Variants in RUNX1T1 observed in about 807,000 individuals in gnomAD.
RUNX1T1 encodes the protein RUNX1 partner transcriptional co-repressor 1.
Under a neutral mutation model 62.8 loss-of-function variants are expected in RUNX1T1, and 4 were observed. The observed-to-expected ratio is 0.06, with a 90% CI of 0.03 to 0.15. The LOEUF is 0.15. Ranked by LOEUF, RUNX1T1 falls within the 10% of genes least tolerant of loss-of-function variation. The pLI, the probability that RUNX1T1 is intolerant of heterozygous loss-of-function variation, is 1.00. For synonymous variants in RUNX1T1, 291 were observed against 286.0 expected (o/e 1.02, Z -0.18); for missense variants, 508 against 754.3 (o/e 0.67, Z 3.82).
intron 2 of RUNX1T1, among the ~76,000 whole-genome samples, chr8:92,075,067 C>T (rs1469976925): frequency 6.6e-6 from 1 of 152,172 alleles, no homozygotes; most frequent in Non-Finnish European, 1.5e-5. Flanking sequence ...GGGGTGGATG[C>T]TAGCAGTGAT....
At chr8:91,983,892 G>GA (rs1198072444) in intron 8 of RUNX1T1, among the ~76,000 whole-genome samples, 4 of 151,934 alleles carry the variant, frequency 2.6e-5, no homozygotes, top group South Asian at 2.1e-4. Context: ...GATGCACAGT[G>GA]AAAAAAAACT....
intron 10 of RUNX1T1, among the ~76,000 whole-genome samples, chr8:91,962,352 T>C (rs1407073430): frequency 6.6e-6 from 1 of 152,110 alleles, no homozygotes; most frequent in Non-Finnish European, 1.5e-5. Context: ...CTCTGGCCAA[T>C]GACAGGTGTT....
chr8:91,991,647 C>T (rs1204533909), exon 6 of RUNX1T1: 2 of 1,613,476 alleles, frequency 1.2e-6, no homozygotes, highest in Non-Finnish European at 8.5e-7. Flanking sequence ...ACCCATAGGT[C>T]TGTTTCTGTC....
intron 1 of RUNX1T1, among the ~76,000 whole-genome samples, chr8:92,056,694 G>A (rs530032425): frequency 6.6e-6 from 1 of 151,628 alleles, no homozygotes; most frequent in Admixed American, 6.6e-5. Flanking sequence ...TGGAAACACT[G>A]TGCCTGCTTG....
intron 1 of RUNX1T1, among the ~76,000 whole-genome samples, chr8:92,054,440 TA>T (rs1021994513): frequency 1.3e-5 from 2 of 152,196 alleles, no homozygotes; most frequent in African/African-American, 4.8e-5. Context: ...TCGCTGTCTA[TA>T]AAGAGGTTTA....
exon 2 of RUNX1T1, chr8:92,075,988 T>G: frequency 6.2e-7 from 1 of 1,611,564 alleles, no homozygotes; most frequent in East Asian, 2.2e-5. Flanking sequence ...AAAGTTCCCT[T>G]TTTTCCGGCA....
At chr8:92,003,350 A>C in intron 5 of RUNX1T1, 1 of 456,260 alleles carries the variant, frequency 2.2e-6, no homozygotes, top group South Asian at 1.5e-5. Flanking sequence ...TTCAAATATG[A>C]AATACTGGGA....
chr8:92,001,566 T>C (rs1203902246), intron 5 of RUNX1T1, among the ~76,000 whole-genome samples: 1 of 152,184 alleles, frequency 6.6e-6, no homozygotes, highest in Non-Finnish European at 1.5e-5. Context: ...ATGTAAAGCA[T>C]AATTACATTA....
chr8:91,962,722 A>G lies in RUNX1T1; in HGVS notation c.1459-2205T>C, dbSNP rs1199533137. 2.6e-5 allele frequency among the ~76,000 whole-genome samples: 4 copies of G among 152,354 alleles called. No individual in the cohort carries two copies. In the East Asian group the frequency reaches 5.8e-4, roughly 22 times the overall value. ...TAATGCCAGCTGGATCCTGGAACAA[A>G]CTCAGCAAATAAGCTATATTCCTAA... On this transcript the variant is annotated intron_variant, in intron 10 of 10. Coordinates refer to ENST00000396218, the Ensembl canonical transcript of RUNX1T1.
At chr8:91,955,984 CTT>C (rs1193319654), downstream of RUNX1T1, 2 of 229,802 alleles carry the variant, frequency 8.7e-6, no homozygotes, top group Non-Finnish European at 1.7e-5. Flanking sequence ...ATGGTAGCGA[CTT>C]TTAATTAGAG....
chr8:92,039,081 A>T (rs1827944738), intron 1 of RUNX1T1, among the ~76,000 whole-genome samples: 1 of 151,956 alleles, frequency 6.6e-6, no homozygotes, highest in Admixed American at 6.6e-5. Flanking sequence ...TTCCAACAAA[A>T]GGACAAAGTT....
intron 1 of RUNX1T1, among the ~76,000 whole-genome samples, chr8:92,027,475 G>A (rs535569319): frequency 3.3e-5 from 5 of 152,270 alleles, no homozygotes; most frequent in Admixed American, 1.3e-4. Flanking sequence ...AACATCTTCC[G>A]CTGCCATTCA....
chr8:91,982,780 G>T (rs1815631593), intron 8 of RUNX1T1, among the ~76,000 whole-genome samples: 3 of 152,058 alleles, frequency 2.0e-5, no homozygotes, highest in African/African-American at 7.2e-5. Flanking sequence ...TCTATTTTAT[G>T]AAAAGTCCTT....
intron 2 of RUNX1T1, 52 bp downstream of exon 3, chr8:92,017,174 A>G: frequency 7.6e-7 from 1 of 1,315,646 alleles, no homozygotes; most frequent in Non-Finnish European, 1.1e-6. Context: ...GCAGAAAAAA[A>G]TTTAATTTAA....
At chr8:91,960,032 T>A in exon 11 of RUNX1T1, 1 of 589,628 alleles carries the variant, frequency 1.7e-6, no homozygotes, top group South Asian at 2.1e-5. Context: ...ATCTTTGTTA[T>A]CCACAATAAG....
At chr8:92,072,848 A>C (rs1019019790) in intron 2 of RUNX1T1, among the ~76,000 whole-genome samples, 1 of 152,206 alleles carries the variant, frequency 6.6e-6, no homozygotes, top group African/African-American at 2.4e-5. Context: ...CTTCCTAACA[A>C]AGATACCAAT....
At position 92,079,702 on chromosome 8, in the gene RUNX1T1, T is replaced by G. The variant is rs556752761; in HGVS notation, c.-85-3565A>C. Among the ~76,000 whole-genome samples, 3 of 152,332 alleles carry G rather than the reference T, an allele frequency of 2.0e-5. No homozygotes were observed. In the East Asian group the frequency reaches 5.8e-4, roughly 29 times the overall value. ...GAAACACACAGTCCTTATTCTTGCC[T>G]AATCTCACATACAAGACCCTCCATC... is the stretch of plus-strand genomic sequence containing the variant. On this transcript the variant is annotated intron_variant, in intron 1 of 11. Coordinates refer to the RUNX1T1 transcript ENST00000265814.
chr8:92,101,238 A>G (rs1159126235), upstream of RUNX1T1, among the ~76,000 whole-genome samples: 1 of 152,240 alleles, frequency 6.6e-6, no homozygotes, highest in Non-Finnish European at 1.5e-5. Flanking sequence ...CAGAAACCCG[A>G]CCTTTATCAG....
At chr8:92,016,163 C>A (rs992224996) in intron 2 of RUNX1T1, among the ~76,000 whole-genome samples, 3 of 152,186 alleles carry the variant, frequency 2.0e-5, no homozygotes, top group African/African-American at 7.2e-5. Context: ...TTCACAATTC[C>A]TTGATGACAA....
Sources: gnomAD v4.1 joint callset for allele counts (sites outside exome capture counted in the v4.1 genomes callset) on GRCh38, gnomAD v4.1.1 for gene constraint, MANE v1.5 for transcripts, NCBI Gene and HGNC (gene_info 2026-07-23, HGNC 2026-07-21) for gene names.